The following PDLIM5 variants were observed in gnomAD, a reference collection of about 807,000 sequenced individuals.
PDLIM5 encodes PDZ and LIM domain 5, also known as PDZ and LIM domain protein 5.
A neutral mutation model predicts 64.2 loss-of-function variants in PDLIM5; 34 were observed. That is an observed-to-expected ratio of 0.53 (90% CI 0.40 to 0.71). The LOEUF (loss-of-function observed/expected upper bound fraction) is 0.71. Ranked by LOEUF, PDLIM5 falls within the 30% of genes least tolerant of loss-of-function variation. The pLI is 0.00. For synonymous variants in PDLIM5, 253 were observed against 269.1 expected, an observed-to-expected ratio of 0.94 and a Z score of 0.59; for missense variants, 683 against 733.6, an observed-to-expected ratio of 0.93 and a Z score of 0.80.
intron 2 of PDLIM5, among the ~76,000 whole-genome samples, chr4:94,462,002 T>C (rs563409553): frequency 6.6e-6 from 1 of 152,260 alleles, no homozygotes; most frequent in South Asian, 2.1e-4. Flanking sequence ...TAGCTGGGAT[T>C]ACAAGCATTC....
At chr4:94,588,843 T>G (rs1166507410) in intron 7 of PDLIM5, among the ~76,000 whole-genome samples, 1 of 152,202 alleles carries the variant, frequency 6.6e-6, no homozygotes, top group African/African-American at 2.4e-5. Context: ...GAAACTAACA[T>G]TAATTTTAGA....
intron 2 of PDLIM5, among the ~76,000 whole-genome samples, chr4:94,475,405 T>C (rs1725237052): frequency 6.6e-6 from 1 of 152,218 alleles, no homozygotes; most frequent in African/African-American, 2.4e-5. Context: ...TTTAAGGTCT[T>C]ACATTTGGTT....
chr4:94,478,890 G>GTTT (rs67013211), intron 2 of PDLIM5, among the ~76,000 whole-genome samples: 5,490 of 93,876 alleles, frequency 0.058, 765 homozygotes, highest in African/African-American at 0.15. Flanking sequence ...TGTGCTTGGT[G>GTTT]TTTTTTTTTT....
chr4:94,585,251 C>A (rs896078708), intron 5 of PDLIM5, among the ~76,000 whole-genome samples: 8 of 151,960 alleles, frequency 5.3e-5, no homozygotes, highest in African/African-American at 1.7e-4. Flanking sequence ...CCACCATTCC[C>A]AGCTAATTTT....
intron 2 of PDLIM5, among the ~76,000 whole-genome samples, chr4:94,522,640 T>C (rs1216495645): frequency 6.6e-6 from 1 of 152,182 alleles, no homozygotes; most frequent in African/African-American, 2.4e-5. Flanking sequence ...CCTCCCAAAG[T>C]AGTTTATCAT....
chr4:94,486,547 T>G (rs1726354567), intron 2 of PDLIM5, among the ~76,000 whole-genome samples: 1 of 152,204 alleles, frequency 6.6e-6, no homozygotes, highest in African/African-American at 2.4e-5. Flanking sequence ...CTAGGAGATT[T>G]GCCTTTGTAG....
chr4:94,467,465 C>T (rs962660109), intron 2 of PDLIM5, among the ~76,000 whole-genome samples: 2 of 152,098 alleles, frequency 1.3e-5, no homozygotes, highest in African/African-American at 4.8e-5. Flanking sequence ...AGGCACCCAC[C>T]ACCATGCCTG....
intron 7 of PDLIM5, chr4:94,587,688 T>C: frequency 1.0e-6 from 1 of 984,654 alleles, no homozygotes. Context: ...ATTTGGCTCC[T>C]GAAAAAGGAA....
intron 3 of PDLIM5, among the ~76,000 whole-genome samples, chr4:94,536,544 C>G (rs570671488): frequency 1.3e-5 from 2 of 152,252 alleles, no homozygotes; most frequent in African/African-American, 4.8e-5. Context: ...TATTTATTAC[C>G]TACTCCAGTG....
At chr4:94,456,684 A>G in intron 2 of PDLIM5, 1 of 1,268,408 alleles carries the variant, frequency 7.9e-7, no homozygotes, top group Non-Finnish European at 1.0e-6. Flanking sequence ...TTACAGTGGT[A>G]CAGTGAATAC....
chr4:94,590,474 G>A (rs1397542468), intron 7 of PDLIM5, among the ~76,000 whole-genome samples: 3 of 152,162 alleles, frequency 2.0e-5, no homozygotes, highest in Admixed American at 2.0e-4. Context: ...ACTAATCAAT[G>A]TACTAGGGAT....
chr4:94,471,138 A>G (rs892601788), intron 2 of PDLIM5, among the ~76,000 whole-genome samples: 8 of 152,180 alleles, frequency 5.3e-5, no homozygotes, highest in African/African-American at 1.4e-4. Context: ...GGGAGCTACA[A>G]TTTGAGATTT....
intron 2 of PDLIM5, among the ~76,000 whole-genome samples, chr4:94,480,667 T>TC (rs905683272): frequency 1.3e-4 from 19 of 151,996 alleles, no homozygotes; most frequent in African/African-American, 4.6e-4. Context: ...ACCAAGGCTT[T>TC]CCCCCTCCTT....
chr4:94,640,186 C>T, intron 8 of PDLIM5, 90 bp from the exon 9 acceptor site: 4 of 627,508 alleles, frequency 6.4e-6, no homozygotes, highest in Non-Finnish European at 1.1e-5. Flanking sequence ...GAATAGATTA[C>T]TGTTAAAATA....
chr4:94,628,795 G>C (rs1242788668), intron 8 of PDLIM5, among the ~76,000 whole-genome samples: 3 of 152,064 alleles, frequency 2.0e-5, no homozygotes, highest in Non-Finnish European at 4.4e-5. Context: ...ATCCAAATAT[G>C]AGCAAAATTG....
At chr4:94,564,936 A>G (rs1021964661) in intron 3 of PDLIM5, among the ~76,000 whole-genome samples, 71 of 152,002 alleles carry the variant, frequency 4.7e-4, no homozygotes, top group Non-Finnish European at 7.9e-4. Context: ...GATTACAGGC[A>G]TGAGCCGCCA....
At chr4:94,609,029 T>G (rs1738147409) in intron 7 of PDLIM5, among the ~76,000 whole-genome samples, 1 of 152,196 alleles carries the variant, frequency 6.6e-6, no homozygotes, top group Admixed American at 6.5e-5. Flanking sequence ...TGCAACTATT[T>G]CCTTAATTTT....
At chr4:94,659,808 G>T (rs1349219607) in intron 11 of PDLIM5, among the ~76,000 whole-genome samples, 3 of 151,674 alleles carry the variant, frequency 2.0e-5, no homozygotes, top group Admixed American at 1.3e-4. Context: ...GATTACAAGC[G>T]TGAGCCACCA....
At chr4:94,645,414 C>T (rs1363154817) in intron 9 of PDLIM5, among the ~76,000 whole-genome samples, 2 of 152,112 alleles carry the variant, frequency 1.3e-5, no homozygotes, top group African/African-American at 4.8e-5. Flanking sequence ...ACTTCTTTTC[C>T]TGTTAGTAGA....
Sources: allele counts gnomAD v4.1 joint callset (sites outside exome capture counted in the v4.1 genomes callset), GRCh38; gene constraint gnomAD v4.1.1; transcripts MANE v1.5; gene names NCBI Gene and HGNC (gene_info 2026-07-23, HGNC 2026-07-21).